Variants in PDE1B observed in about 807,000 individuals in gnomAD.
The protein encoded by PDE1B is dual specificity calcium/calmodulin-dependent 3',5'-cyclic nucleotide phosphodiesterase 1B.
PDE1B carries 13 observed loss-of-function variants against 66.7 expected under a neutral mutation model. The ratio of observed to expected loss-of-function variants is 0.19; its 90% CI spans 0.13 to 0.31. The LOEUF (loss-of-function observed/expected upper bound fraction) is 0.31, where lower values mean the gene tolerates loss of function less well. Among genes scored for constraint, PDE1B ranks in the 10% least tolerant of loss-of-function variants. The pLI, the probability that PDE1B is intolerant of heterozygous loss-of-function variation, is 1.00. For missense variants in PDE1B, 485 were observed against 682.3 expected (o/e 0.71, Z 3.22); for synonymous variants, 230 against 253.9 (o/e 0.91, Z 0.90).
Position 54,573,299 on chromosome 12 carries a change from A to G in PDE1B, c.836+51A>G, listed in dbSNP as rs771561215. ...CAGGAGGGGCCAAGAGGAGGTGGGG[A>G]GGTTGCCGGAGTCCCTCCTTACAGG... On this transcript the variant is annotated intron_variant, in intron 8 of 15. Transcript: ENST00000243052. The surrounding 1 kb of genome is among the most constrained non-coding windows in gnomAD (Gnocchi z 5.2). The G allele has an allele frequency of 1.2e-6, 2 of 1,613,324 alleles. No individual in the cohort carries two copies. The highest frequency in any genetic ancestry group is 2.2e-5 in the South Asian group (2 of 91,040).
At chr12:54,570,479 T>G (rs1341479669) in intron 6 of PDE1B, 122 bp downstream of exon 6, 1 of 703,436 alleles carries the variant, frequency 1.4e-6, no homozygotes, top group African/African-American at 1.7e-5. Flanking sequence ...ATCAGGGAAG[T>G]CTCCCCATGC....
chr12:54,568,776 A>G (rs548306349), intron 3 of PDE1B, among the ~76,000 whole-genome samples: 155 of 152,298 alleles, frequency 1.0e-3, no homozygotes, highest in Non-Finnish European at 6.5e-4. Flanking sequence ...AGCCTGGGCA[A>G]CGGAGTGAGA....
chr12:54,563,209 G>A (rs1361125651), intron 2 of PDE1B, among the ~76,000 whole-genome samples: 2 of 152,216 alleles, frequency 1.3e-5, no homozygotes, highest in East Asian at 3.8e-4. Flanking sequence ...TGGGCCAACC[G>A]ACAGAATTAA....
intron 3 of PDE1B, among the ~76,000 whole-genome samples, chr12:54,568,107 T>G (rs191036735): frequency 6.6e-6 from 1 of 152,226 alleles, no homozygotes; most frequent in African/African-American, 2.4e-5. Context: ...CTGCCTGCCT[T>G]GGCCTCCCAA....
intron 2 of PDE1B, among the ~76,000 whole-genome samples, chr12:54,562,125 C>T (rs1311138146): frequency 6.6e-6 from 1 of 152,190 alleles, no homozygotes; most frequent in African/African-American, 2.4e-5. Flanking sequence ...TCTGGCTTCC[C>T]TGTCCTAAGC....
intron 6 of PDE1B, chr12:54,570,701 T>C: frequency 4.3e-6 from 1 of 233,326 alleles, no homozygotes; most frequent in South Asian, 7.7e-5. Flanking sequence ...GCCAGTGCCC[T>C]TTGGGACTAG....
rs1156229014 is a variant in PDE1B, at chr12:54,578,077, T to A, written c.*235T>A. On this transcript the variant is annotated 3_prime_UTR_variant, in exon 16 of 16. Transcript: ENST00000243052. ...AGACTGGGGAACTTCAGGCTCCCAGTGGTCACTGTGCCCATCCCTCAGCCT... is the reference window on the plus strand; with the variant it reads ...AGACTGGGGAACTTCAGGCTCCCAGAGGTCACTGTGCCCATCCCTCAGCCT... The A allele has an allele frequency of 6.6e-6, 1 of 152,320 alleles. No homozygotes were observed. Among genetic ancestry groups the A allele is most frequent in the Non-Finnish European group, 1.5e-5 (1 of 68,114 alleles). 9.4% of individuals were successfully genotyped at this position (152,320 alleles called of 1,614,324 possible). A position where few individuals can be genotyped will look rare whatever the true frequency, so the allele number is the denominator to read the frequency against.
chr12:54,553,555 C>G (rs1957305833), intron 2 of PDE1B, among the ~76,000 whole-genome samples: 6 of 152,164 alleles, frequency 3.9e-5, no homozygotes, highest in Admixed American at 3.9e-4. Context: ...TTGAACATAA[C>G]AGGCACTCAA....
At chr12:54,570,403 C>A in intron 6 of PDE1B, 46 bp downstream of exon 6, 5 of 1,031,548 alleles carry the variant, frequency 4.8e-6, no homozygotes, top group Non-Finnish European at 7.7e-6. Flanking sequence ...TTCTCCACTC[C>A]TCTCATGCCT....
intron 10 of PDE1B, chr12:54,574,469 A>G (rs1592386939): frequency 6.6e-6 from 1 of 152,410 alleles, no homozygotes; most frequent in South Asian, 2.1e-4. Context: ...TGTTATTTCC[A>G]TTTTAGAGTT....
chr12:54,565,066 A>G (rs1957490378), intron 2 of PDE1B, among the ~76,000 whole-genome samples: 1 of 152,220 alleles, frequency 6.6e-6, no homozygotes, highest in African/African-American at 2.4e-5. Context: ...GATTATGCAA[A>G]TACATGCAAA....
chr12:54,575,487 GT>G lies in PDE1B; in HGVS notation c.1186-63del. 1 of 1,175,284 alleles carries G rather than the reference GT, an allele frequency of 8.5e-7. No individual in the cohort carries two copies. Among genetic ancestry groups the G allele is most frequent in the Non-Finnish European group, 1.3e-6 (1 of 781,814 alleles). The allele number at this position is 1,175,284 out of a possible 1,614,324, so 72.8% of individuals were successfully genotyped here. ...CCCCCACCCCCACCACTTGCCACCT[GT>G]ACCCCAGATCTGGTAGGTCTGAGGT... On this transcript the variant is annotated intron_variant, in intron 11 of 15. Coordinates refer to ENST00000243052, the MANE Select transcript of PDE1B (RefSeq NM_000924.4). This position sits in a 1 kb window ranked among gnomAD's most constrained non-coding sequence, Gnocchi z 4.0.
At chr12:54,564,871 C>T (rs1957486642) in intron 2 of PDE1B, among the ~76,000 whole-genome samples, 1 of 152,184 alleles carries the variant, frequency 6.6e-6, no homozygotes, top group African/African-American at 2.4e-5. Context: ...ATTCCTGCCT[C>T]CCAGACTGGT....
At chr12:54,572,479 TA>T (rs1957633424) in intron 6 of PDE1B, 121 bp from the exon 7 acceptor site, 8 of 921,098 alleles carry the variant, frequency 8.7e-6, no homozygotes, top group Non-Finnish European at 1.2e-5. Flanking sequence ...TTCACCTAAC[TA>T]GGTTCTGTGC....
intron 15 of PDE1B, 100 bp from the exon 16 acceptor site, chr12:54,577,760 T>C (rs938658809): frequency 2.1e-6 from 1 of 482,704 alleles, no homozygotes; most frequent in African/African-American, 1.9e-5. Flanking sequence ...TTTGCACAGC[T>C]CTACTCGGGA....
Position 54,573,543 on chromosome 12 carries a change from C to A in PDE1B, c.962+63C>A. On this transcript the variant is annotated intron_variant, in intron 9 of 15. Coordinates refer to ENST00000243052, the MANE Select transcript of PDE1B (RefSeq NM_000924.4). This position sits in a 1 kb window ranked among gnomAD's most constrained non-coding sequence, Gnocchi z 5.2. ...CCCTTACCACAAACTCCATTTTCCA[C>A]TTCCTGGACCTCCTGCCCAGCAGCG... is the stretch of plus-strand genomic sequence containing the variant. 5.0e-6 allele frequency: 8 copies of A among 1,612,062 alleles called. No individual in the cohort carries two copies. In the South Asian group the frequency reaches 8.8e-5, roughly 18 times the overall value.
intron 2 of PDE1B, among the ~76,000 whole-genome samples, chr12:54,562,816 T>C (rs1211408003): frequency 1.3e-5 from 2 of 152,194 alleles, no homozygotes; most frequent in African/African-American, 4.8e-5. Context: ...TTCCCATTTG[T>C]CAAATTTATT....
intron 2 of PDE1B, among the ~76,000 whole-genome samples, chr12:54,559,559 C>A (rs985035896): frequency 6.6e-6 from 1 of 151,948 alleles, no homozygotes; most frequent in Non-Finnish European, 1.5e-5. Context: ...TGATCATTAT[C>A]CCTCCTTATT....
intron 15 of PDE1B, 101 bp downstream of exon 15, chr12:54,577,446 C>A: frequency 3.7e-6 from 6 of 1,606,704 alleles, no homozygotes; most frequent in African/African-American, 1.3e-5. Context: ...TCTCTCTCCC[C>A]TTTTGAGCAG....
Sources: gnomAD v4.1 joint callset for allele counts (sites outside exome capture counted in the v4.1 genomes callset) on GRCh38, gnomAD v4.1.1 for gene constraint, Gnocchi (gnomAD v3.1) non-coding constraint, MANE v1.5 for transcripts, NCBI Gene and HGNC (gene_info 2026-07-23, HGNC 2026-07-21) for gene names.